The following POLQ variants were observed in gnomAD, a reference collection of about 807,000 sequenced individuals.
The protein encoded by POLQ is DNA polymerase theta, also known as epididymis secretory sperm binding protein.
In POLQ, 233 loss-of-function variants were observed where a neutral mutation model predicts 259.2. The ratio of observed to expected loss-of-function variants is 0.90; its 90% confidence interval spans 0.81 to 1.00. The LOEUF is 1.00. Ranked by LOEUF, POLQ falls within the 50% of genes least tolerant of loss-of-function variation. The probability of loss-of-function intolerance (pLI) is 0.00; values close to 1 mark genes in which losing one functional copy is unlikely to be tolerated. For synonymous variants in POLQ, 1,025 were observed against 1,048.8 expected (o/e 0.98, Z 0.44); for missense variants, 2,871 against 3,051.6 (o/e 0.94, Z 1.39).
chr3:121,506,022 C>CAA (rs56305313), intron 12 of POLQ, among the ~76,000 whole-genome samples: 1 of 88,548 alleles, frequency 1.1e-5, no homozygotes, highest in African/African-American at 4.7e-5. Context: ...AACTCCATCT[C>CAA]AAAAAAAAAA....
Position 121,449,419 on chromosome 3 carries a change from T to C in POLQ, c.7160A>G (p.Tyr2387Cys), listed in dbSNP as rs2047655534. 2.6e-6 allele frequency: 4 copies of C among 1,555,416 alleles called. No individual in the cohort carries two copies. Among genetic ancestry groups the C allele is most frequent in the South Asian group, 1.1e-5 (1 of 89,694 alleles). The change falls in exon 26 of 30, where the codon TAT becomes TGT. Residue 2387 changes from tyrosine to cysteine, a missense_variant. By Grantham distance (194) the Tyr-to-Cys change is radical. Coordinates refer to ENST00000264233, the MANE Select transcript of POLQ (RefSeq NM_199420.4). The part of the protein sequence containing the change: ...DLRQQAKQIC[Y>C]GIIYGMGAKS... ...AGCTCCCATTCCATAAATGATCCCA[T>C]AGCAAATCTGAAAGGGAGTCATCCA...
At chr3:121,482,939 T>C (rs550931099) in intron 18 of POLQ, among the ~76,000 whole-genome samples, 1 of 152,332 alleles carries the variant, frequency 6.6e-6, no homozygotes, top group East Asian at 1.9e-4. Context: ...CAGGAGCCAG[T>C]AAGGGGATTT....
chr3:121,495,514 G>A lies in POLQ; in HGVS notation c.2278+1294C>T, dbSNP rs143602715. On this transcript the variant is annotated intron_variant, in intron 14 of 29. Transcript: ENST00000264233. ...CCTACAAGAACATAAACCCCTAGAG[G>A]CAGTCTTTCATCTTTGATACCAGTG... Among the ~76,000 whole-genome samples, 369 of 152,086 alleles carry A rather than the reference G, an allele frequency of 2.4e-3. 2 individuals carry two copies. Among genetic ancestry groups the A allele is most frequent in the Non-Finnish European group, 3.9e-3 (266 of 67,980 alleles).
chr3:121,445,106 G>A (rs773948875), intron 26 of POLQ, among the ~76,000 whole-genome samples: 6 of 152,120 alleles, frequency 3.9e-5, no homozygotes, highest in Non-Finnish European at 8.8e-5. Context: ...TTGGTATTAG[G>A]GTAATACTGG....
chr3:121,442,419 T>C (rs1192724096), intron 26 of POLQ, among the ~76,000 whole-genome samples: 3 of 152,206 alleles, frequency 2.0e-5, no homozygotes, highest in Non-Finnish European at 4.4e-5. Flanking sequence ...TTTGTACCTA[T>C]TAACAATACC....
chr3:121,517,643 C>T (rs1305286075), intron 9 of POLQ, among the ~76,000 whole-genome samples: 1 of 152,184 alleles, frequency 6.6e-6, no homozygotes, highest in East Asian at 1.9e-4. Flanking sequence ...TTCTGAGCAG[C>T]GGCCTTAAAG....
intron 8 of POLQ, among the ~76,000 whole-genome samples, chr3:121,521,090 T>A (rs757918002): frequency 6.6e-6 from 1 of 152,162 alleles, no homozygotes. Context: ...TATATAGTAG[T>A]TTTCCCCCAT....
At chr3:121,469,080 T>A (rs1170092556) in intron 22 of POLQ, among the ~76,000 whole-genome samples, 1 of 150,846 alleles carries the variant, frequency 6.6e-6, no homozygotes, top group East Asian at 2.0e-4. Context: ...CTCAGCTACT[T>A]AGGAGGCTGT....
intron 6 of POLQ, among the ~76,000 whole-genome samples, chr3:121,530,936 C>T (rs984386640): frequency 1.3e-5 from 2 of 152,156 alleles, no homozygotes; most frequent in Non-Finnish European, 2.9e-5. Flanking sequence ...CAGTGGCTCA[C>T]TCCTGTAATC....
intron 12 of POLQ, among the ~76,000 whole-genome samples, chr3:121,501,467 G>A (rs1371107858): frequency 6.7e-6 from 1 of 149,052 alleles, no homozygotes; most frequent in Non-Finnish European, 1.5e-5. Context: ...AGACCATCCC[G>A]GCTAAAACGG....
chr3:121,450,872 C>A (rs919301374), intron 25 of POLQ, among the ~76,000 whole-genome samples: 1 of 152,120 alleles, frequency 6.6e-6, no homozygotes, highest in African/African-American at 2.4e-5. Context: ...TGGATAATAT[C>A]CTGCAGAGTG....
At chr3:121,460,655 T>G (rs550958418) in intron 24 of POLQ, among the ~76,000 whole-genome samples, 3 of 152,232 alleles carry the variant, frequency 2.0e-5, no homozygotes, top group Admixed American at 6.5e-5. Flanking sequence ...AACAAATGCT[T>G]GTTGAATGAA....
At position 121,460,667 on chromosome 3, in the gene POLQ, T is replaced by G. The variant is rs74474616; in HGVS notation, c.6968-433A>C. Among the ~76,000 whole-genome samples the G allele has an allele frequency of 8.7e-3, 1,325 of 152,316 alleles. 18 individuals carry two copies. Among genetic ancestry groups the G allele is most frequent in the African/African-American group, 0.03 (1,262 of 41,552 alleles). On this transcript the variant is annotated intron_variant, in intron 24 of 29. Coordinates refer to ENST00000264233, the MANE Select transcript of POLQ (RefSeq NM_199420.4). ...CTTAACAAATGCTTGTTGAATGAAT[T>G]AATTAATGAAAAAACTGGTGTCCAA... is the stretch of plus-strand genomic sequence containing the variant.
At chr3:121,447,013 T>A (rs972587329) in intron 26 of POLQ, among the ~76,000 whole-genome samples, 5 of 151,900 alleles carry the variant, frequency 3.3e-5, no homozygotes, top group Non-Finnish European at 7.4e-5. Context: ...GTTCCATGGT[T>A]TTTTTTCTCT....
rs2047855672 is a variant in POLQ, at chr3:121,468,371, A to G, written c.6779T>C (p.Met2260Thr). The change falls in exon 23 of 30, where the codon ATG (methionine) becomes ACG (threonine). Residue 2260 changes from methionine (M) to threonine (T), a missense_variant. Physicochemically the swap from Met to Thr is moderately conservative, Grantham distance 81. Around this residue, in one of 3 missense-constraint regions of POLQ, gnomAD observed 2,080 missense variants for 2,126.0 expected, o/e 0.98. Coordinates refer to ENST00000264233, the MANE Select transcript of POLQ (RefSeq NM_199420.4). ...QNVPRDFEIK[M>T]PTLVGESPPS... ...TGGGCTTTCTCCTACTAGTGTTGGCATTTTGATTTCAAAATCTCTTGGCAC... is the reference window on the plus strand; with the variant it reads ...TGGGCTTTCTCCTACTAGTGTTGGCGTTTTGATTTCAAAATCTCTTGGCAC... The G allele has an allele frequency of 6.2e-7, 1 of 1,611,942 alleles. No individual in the cohort carries two copies. The highest frequency in any genetic ancestry group is 2.2e-5 in the East Asian group (1 of 44,820).
intron 7 of POLQ, among the ~76,000 whole-genome samples, chr3:121,524,994 G>A (rs977821758): frequency 1.3e-5 from 2 of 151,382 alleles, no homozygotes; most frequent in African/African-American, 2.4e-5. Flanking sequence ...AACAACACAG[G>A]AGTTAGAAAC....
At chr3:121,535,766 G>T (rs1320009839) in intron 5 of POLQ, among the ~76,000 whole-genome samples, 2 of 149,004 alleles carry the variant, frequency 1.3e-5, no homozygotes. Flanking sequence ...AGACATGCAA[G>T]TTCTCAAAAA....
At position 121,488,589 on chromosome 3, in the gene POLQ, C is replaced by A; in HGVS notation, c.4342G>T (p.Gly1448Cys). Residue 1448 changes from glycine (G) to cysteine (C), a missense_variant, in exon 16 of 30, where the codon GGT becomes TGT. Physicochemically the swap from Gly to Cys is radical, Grantham distance 159 (BLOSUM62 -3). Around this residue, in one of 3 missense-constraint regions of POLQ, gnomAD observed 2,080 missense variants for 2,126.0 expected, o/e 0.98. Transcript: ENST00000264233. ...TTCACAGTTTCTTGTGTTTGATAACCTTGAAGAAAACTATTTAATTGTGAA... is the reference window on the plus strand; with the variant it reads ...TTCACAGTTTCTTGTGTTTGATAACATTGAAGAAAACTATTTAATTGTGAA... ...TDSQLNSFLQ[G>C]YQTQETVKPV... 1 of 1,608,444 alleles carries A rather than the reference C, an allele frequency of 6.2e-7. No individual in the cohort carries two copies. Among genetic ancestry groups the A allele is most frequent in the Non-Finnish European group, 8.5e-7 (1 of 1,178,476 alleles).
chr3:121,452,975 C>CT (rs1213697500), intron 25 of POLQ, among the ~76,000 whole-genome samples: 7 of 152,360 alleles, frequency 4.6e-5, no homozygotes, highest in African/African-American at 1.7e-4. Flanking sequence ...AGCAGCCTAA[C>CT]TGGGAGGCAC....
Sources: gnomAD v4.1 joint callset for allele counts (sites outside exome capture counted in the v4.1 genomes callset) on GRCh38, gnomAD v4.1.1 for gene constraint, gnomAD v4.1.1 regional missense constraint, MANE v1.5 for transcripts, NCBI Gene and HGNC (gene_info 2026-07-23, HGNC 2026-07-21) for gene names.